Variants in NKAIN3 observed in about 807,000 individuals in gnomAD.
The protein encoded by NKAIN3 is sodium/potassium-transporting ATPase subunit beta-1-interacting protein 3.
A neutral mutation model predicts 30.2 loss-of-function variants in NKAIN3; 25 were observed. That is an observed-to-expected ratio of 0.83 (90% CI 0.60 to 1.16). NKAIN3 has a LOEUF of 1.16. Ranked by LOEUF, NKAIN3 falls within the 50% of genes most tolerant of loss-of-function variation. NKAIN3 has a pLI of 0.00. For missense variants in NKAIN3, 225 were observed against 254.1 expected (o/e 0.89, Z 0.78); for synonymous variants, 91 against 89.6 (o/e 1.02, Z -0.09).
At chr8:62,643,087 T>G (rs1812356217) in intron 3 of NKAIN3, among the ~76,000 whole-genome samples, 1 of 152,158 alleles carries the variant, frequency 6.6e-6, no homozygotes, top group East Asian at 1.9e-4. Flanking sequence ...GCATCTTTTT[T>G]TGGCCTTTCT....
rs11343811 is a variant in NKAIN3, at chr8:62,910,754, ATT to A, written c.472-7687_472-7686del. Among the ~76,000 whole-genome samples the A allele has an allele frequency of 3.1e-3, 459 of 149,248 alleles. 3 individuals are homozygous for A. Among genetic ancestry groups the A allele is most frequent in the African/African-American group, 9.6e-3 (392 of 40,756 alleles). ...GTCAAGATTCTTCCATCGGGACAGG[ATT>A]TTTTTTTTTTTCAAGGGAAATTGGT... On this transcript the variant is annotated intron_variant, in intron 4 of 6. Transcript: ENST00000623646.
At chr8:62,851,705 T>C (rs1460474161) in intron 4 of NKAIN3, among the ~76,000 whole-genome samples, 4 of 152,210 alleles carry the variant, frequency 2.6e-5, no homozygotes, top group Non-Finnish European at 5.9e-5. Context: ...TCTGCATCTA[T>C]TGAGATAATT....
intron 4 of NKAIN3, among the ~76,000 whole-genome samples, chr8:62,868,549 T>C (rs1820494964): frequency 6.6e-6 from 1 of 152,244 alleles, no homozygotes; most frequent in South Asian, 2.1e-4. Context: ...ATAATGATGA[T>C]ACCCGTGGTG....
chr8:62,505,034 C>G (rs1171630061), intron 1 of NKAIN3, among the ~76,000 whole-genome samples: 1 of 152,052 alleles, frequency 6.6e-6, no homozygotes, highest in Non-Finnish European at 1.5e-5. Context: ...CATTTTCTCC[C>G]CACAAGCTAA....
Position 62,249,011 on chromosome 8 carries a change from A to C in NKAIN3, c.-63A>C, listed in dbSNP as rs909077885. The C allele has an allele frequency of 4.2e-6, 6 of 1,438,394 alleles. No individual in the cohort carries two copies. In the African/African-American group the frequency reaches 7.3e-5, roughly 17 times the overall value. The allele number at this position is 1,438,394 out of a possible 1,614,324, so 89.1% of individuals were successfully genotyped here. A position where few individuals can be genotyped will look rare whatever the true frequency, so the allele number is the denominator to read the frequency against. ...GGGCGGGGACTACTCCGGAGTCAGG[A>C]GGCAGCAGCGGCGGAGGACGAGGAT... is the stretch of plus-strand genomic sequence containing the variant. On this transcript the variant is annotated 5_prime_UTR_variant, in exon 1 of 7. Transcript: ENST00000623646.
intron 1 of NKAIN3, among the ~76,000 whole-genome samples, chr8:62,487,091 C>G (rs1395794982): frequency 1.3e-5 from 2 of 152,180 alleles, no homozygotes; most frequent in African/African-American, 4.8e-5. Flanking sequence ...GCAGAGAGTT[C>G]ACTATAATCA....
chr8:62,707,320 G>A (rs915576208), intron 3 of NKAIN3, among the ~76,000 whole-genome samples: 1 of 152,054 alleles, frequency 6.6e-6, no homozygotes, highest in Non-Finnish European at 1.5e-5. Flanking sequence ...TTCCATAGAG[G>A]CTGTACTAGT....
rs150671065 is a variant in NKAIN3, at chr8:62,946,556, A to C, written c.533-7346A>C. ...TGGGGTGCTGCGAACTCCTCTCTGC[A>C]GTCTTTGAAGGGCCTCTCTGTGTGA... is the stretch of plus-strand genomic sequence containing the variant. On this transcript the variant is annotated intron_variant, in intron 5 of 6. Transcript: ENST00000623646. Among the ~76,000 whole-genome samples the C allele has an allele frequency of 2.9e-3, 446 of 152,266 alleles. 3 individuals carry two copies. Among genetic ancestry groups the C allele is most frequent in the African/African-American group, 9.7e-3 (404 of 41,558 alleles).
intron 3 of NKAIN3, among the ~76,000 whole-genome samples, chr8:62,623,476 G>C (rs1002599926): frequency 6.6e-6 from 1 of 151,990 alleles, no homozygotes; most frequent in East Asian, 1.9e-4. Context: ...GTATATGCTT[G>C]TGTGTATGTA....
chr8:62,339,301 A>G (rs1815665807), intron 1 of NKAIN3, among the ~76,000 whole-genome samples: 1 of 149,916 alleles, frequency 6.7e-6, no homozygotes, highest in African/African-American at 2.5e-5. Context: ...AGGCGTTTAG[A>G]GTTTCTTTCC....
intron 4 of NKAIN3, among the ~76,000 whole-genome samples, chr8:62,796,860 AC>A (rs1817878638): frequency 6.6e-6 from 1 of 151,826 alleles, no homozygotes; most frequent in Non-Finnish European, 1.5e-5. Context: ...ATTTCAAGGC[AC>A]CATTCTGAAA....
At chr8:62,266,226 C>T (rs939679604) in intron 1 of NKAIN3, among the ~76,000 whole-genome samples, 1 of 152,090 alleles carries the variant, frequency 6.6e-6, no homozygotes, top group Non-Finnish European at 1.5e-5. Flanking sequence ...AAATAAGATT[C>T]TATGTTTTAT....
chr8:62,283,831 T>C (rs765588919), intron 1 of NKAIN3, among the ~76,000 whole-genome samples: 14 of 152,134 alleles, frequency 9.2e-5, no homozygotes, highest in Non-Finnish European at 1.8e-4. Flanking sequence ...TTTAGAAATT[T>C]TGTATCTTGT....
At chr8:62,381,131 T>C (rs2129593949) in intron 1 of NKAIN3, among the ~76,000 whole-genome samples, 1 of 152,304 alleles carries the variant, frequency 6.6e-6, no homozygotes, top group Middle Eastern at 3.4e-3. Context: ...GTGAATAAAG[T>C]ATTATTTCCA....
intron 1 of NKAIN3, among the ~76,000 whole-genome samples, chr8:62,527,603 C>T (rs1372327837): frequency 6.6e-6 from 1 of 152,114 alleles, no homozygotes; most frequent in Non-Finnish European, 1.5e-5. Context: ...CCTCAGTTTA[C>T]GTTCCTATAT....
rs1009086689 is a variant in NKAIN3, at chr8:62,971,155, T to C, written c.*5748T>C. On this transcript the variant is annotated 3_prime_UTR_variant, in exon 7 of 7. Coordinates refer to ENST00000623646, the MANE Select transcript of NKAIN3 (RefSeq NM_001304533.3). ...CTGCTGAAGCTTCAGCCATTGGTTT[T>C]GTATTCTGGCCTTGGAGGTGGAGAA... Among the ~76,000 whole-genome samples the C allele has an allele frequency of 6.6e-6, 1 of 152,206 alleles. No individual in the cohort carries two copies. Among genetic ancestry groups the C allele is most frequent in the African/African-American group, 2.4e-5 (1 of 41,448 alleles).
intron 1 of NKAIN3, among the ~76,000 whole-genome samples, chr8:62,311,617 A>AT (rs1184440826): frequency 6.7e-6 from 1 of 150,334 alleles, no homozygotes; most frequent in Non-Finnish European, 1.5e-5. Context: ...CTAATGGGGC[A>AT]TTTTTTTAAC....
intron 4 of NKAIN3, among the ~76,000 whole-genome samples, chr8:62,877,272 A>G (rs775305282): frequency 6.6e-6 from 1 of 152,132 alleles, no homozygotes; most frequent in Non-Finnish European, 1.5e-5. Context: ...AGTTAAGAAA[A>G]TTTTCTTCAA....
rs1455269894 is a variant in NKAIN3 at position 62,976,945 on chromosome 8, T to C, written c.*11538T>C. On this transcript the variant is annotated 3_prime_UTR_variant, in exon 7 of 7. Transcript: ENST00000623646. ...TTTATTTCTCCTTCACTTGTGAAGCTCAGTTTGGCTGGATATGAAATTCTG... is the reference window on the plus strand; with the variant it reads ...TTTATTTCTCCTTCACTTGTGAAGCCCAGTTTGGCTGGATATGAAATTCTG... Among the ~76,000 whole-genome samples, 4 of 152,244 alleles carry C rather than the reference T, an allele frequency of 2.6e-5. No individual in the cohort carries two copies. Among genetic ancestry groups the C allele is most frequent in the Non-Finnish European group, 5.9e-5 (4 of 68,042 alleles).
Sources: gnomAD v4.1 joint callset for allele counts (sites outside exome capture counted in the v4.1 genomes callset) on GRCh38, gnomAD v4.1.1 for gene constraint, MANE v1.5 for transcripts, NCBI Gene and HGNC (gene_info 2026-07-23, HGNC 2026-07-21) for gene names.